Variants in PLSCR2 observed in about 807,000 individuals in gnomAD.
PLSCR2 encodes phospholipid scramblase 2, also known as PL scramblase 2.
PLSCR2 carries 18 observed loss-of-function variants against 25.3 expected under a neutral mutation model. The ratio of observed to expected loss-of-function variants is 0.71; its 90% CI spans 0.49 to 1.06. PLSCR2 has a LOEUF of 1.06. Ranked by LOEUF, PLSCR2 falls within the 50% of genes least tolerant of loss-of-function variation. PLSCR2 has a pLI of 0.00. For synonymous variants in PLSCR2, 88 were observed against 87.3 expected (o/e 1.01, Z -0.04); for missense variants, 243 against 269.5 (o/e 0.90, Z 0.69).
intron 2 of PLSCR2, among the ~76,000 whole-genome samples, chr3:146,414,073 A>T (rs1396415282): frequency 1.3e-5 from 2 of 152,232 alleles, no homozygotes; most frequent in Non-Finnish European, 2.9e-5. Context: ...AAGGCATCAC[A>T]TGGTAAGAAT....
intron 3 of PLSCR2, among the ~76,000 whole-genome samples, chr3:146,393,304 AG>A (rs1269460263): frequency 6.6e-6 from 1 of 151,614 alleles, no homozygotes; most frequent in Non-Finnish European, 1.5e-5. Context: ...CTGGGATTAC[AG>A]GCGTGAGCCA....
chr3:146,481,077 G>A (rs530750686), intron 1 of PLSCR2, among the ~76,000 whole-genome samples: 10 of 151,924 alleles, frequency 6.6e-5, no homozygotes, highest in East Asian at 1.9e-4. Context: ...TTGATGGTAC[G>A]TATCTCAAAA....
intron 2 of PLSCR2, among the ~76,000 whole-genome samples, chr3:146,403,617 T>C (rs2038554244): frequency 6.6e-6 from 1 of 152,234 alleles, no homozygotes; most frequent in Non-Finnish European, 1.5e-5. Flanking sequence ...ATTTCCACAA[T>C]TAGTTTTTAC....
chr3:146,393,377 T>TA (rs2038162478), intron 3 of PLSCR2, among the ~76,000 whole-genome samples: 1 of 152,048 alleles, frequency 6.6e-6, no homozygotes. Context: ...AACCTCTAAT[T>TA]GAGTGTTGTT....
At chr3:146,469,596 C>A (rs2042027475) in intron 1 of PLSCR2, 35 bp from the exon 1 acceptor site, 2 of 985,110 alleles carry the variant, frequency 2.0e-6, no homozygotes, top group African/African-American at 1.7e-5. Context: ...GTTGCACAGC[C>A]CTCCCGGAAG....
intron 2 of PLSCR2, among the ~76,000 whole-genome samples, chr3:146,404,821 A>AAGGGG (rs71158238): frequency 2.4e-5 from 3 of 124,694 alleles, no homozygotes; most frequent in Admixed American, 8.3e-5. Context: ...AAAAAAAAAA[A>AAGGGG]GGGGGGGGGT....
chr3:146,468,465 A>G (rs557748526), intron 1 of PLSCR2, among the ~76,000 whole-genome samples: 9 of 152,344 alleles, frequency 5.9e-5, no homozygotes, highest in African/African-American at 2.2e-4. Context: ...TCCAGAAATA[A>G]CAGTGAATGA....
chr3:146,402,058 T>A (rs1169886570), intron 2 of PLSCR2, among the ~76,000 whole-genome samples: 4 of 152,152 alleles, frequency 2.6e-5, no homozygotes, highest in South Asian at 4.1e-4. Flanking sequence ...TAATAATTTT[T>A]CTTCTGTTAT....
At chr3:146,394,997 T>C (rs2038225840) in intron 3 of PLSCR2, among the ~76,000 whole-genome samples, 1 of 152,230 alleles carries the variant, frequency 6.6e-6, no homozygotes, top group Non-Finnish European at 1.5e-5. Flanking sequence ...TCCACCATAA[T>C]TGTAAGTTTC....
In PLSCR2 at chr3:146,493,785, T is replaced by A. The variant is rs999038210; in HGVS notation, c.-293+2110A>T. ...TCTGTTTTTCAGTCCAAGGTGGCGT[T>A]TTTTTTTTTTTTTTTTTTTTTTGCA... On this transcript the variant is annotated intron_variant, in intron 1 of 8. Coordinates refer to the PLSCR2 transcript ENST00000336685. 1.5e-3 allele frequency among the ~76,000 whole-genome samples: 38 copies of A among 24,696 alleles called. 1 individual carries two copies. The highest frequency in any genetic ancestry group is 5.5e-3 in the African/African-American group (37 of 6,760). The allele number at this position is 24,696 out of a possible 152,430, so 16.2% of individuals were successfully genotyped here.
At chr3:146,493,209 A>G (rs1260834967) in intron 1 of PLSCR2, among the ~76,000 whole-genome samples, 2 of 152,148 alleles carry the variant, frequency 1.3e-5, no homozygotes, top group Non-Finnish European at 2.9e-5. Context: ...CTATTTCTAC[A>G]AGATATACAA....
intron 1 of PLSCR2, among the ~76,000 whole-genome samples, chr3:146,482,778 A>G (rs1352775955): frequency 1.2e-4 from 19 of 152,202 alleles, no homozygotes; most frequent in Non-Finnish European, 2.5e-4. Flanking sequence ...ATGAACACGT[A>G]TATTTATTGC....
At chr3:146,393,510 A>C (rs1384799265) in intron 3 of PLSCR2, among the ~76,000 whole-genome samples, 1 of 151,292 alleles carries the variant, frequency 6.6e-6, no homozygotes, top group Non-Finnish European at 1.5e-5. Flanking sequence ...GTGTTGTCTA[A>C]TTGTTTGATA....
intron 2 of PLSCR2, among the ~76,000 whole-genome samples, chr3:146,420,706 T>C (rs529820656): frequency 6.2e-4 from 95 of 152,206 alleles, no homozygotes; most frequent in African/African-American, 2.2e-3. Flanking sequence ...AAATACTTTC[T>C]ATATTATAGA....
chr3:146,394,839 C>G (rs1197879284), intron 3 of PLSCR2, among the ~76,000 whole-genome samples: 2 of 152,150 alleles, frequency 1.3e-5, no homozygotes, highest in African/African-American at 4.8e-5. Flanking sequence ...GTGATTGGAT[C>G]ATGGGGGCAG....
At chr3:146,445,701 A>G (rs1186711586) in intron 6 of PLSCR2, among the ~76,000 whole-genome samples, 3 of 152,134 alleles carry the variant, frequency 2.0e-5, no homozygotes, top group Non-Finnish European at 4.4e-5. Flanking sequence ...AGGTTTGAAA[A>G]GTTCTCTGTT....
At chr3:146,485,903 A>G (rs1186254903) in intron 1 of PLSCR2, among the ~76,000 whole-genome samples, 3 of 152,052 alleles carry the variant, frequency 2.0e-5, no homozygotes, top group Non-Finnish European at 4.4e-5. Flanking sequence ...AGAAGCTCCC[A>G]TTTTTAAAAC....
intron 3 of PLSCR2, 25 bp downstream of exon 3, chr3:146,458,386 T>C: frequency 6.7e-7 from 1 of 1,485,098 alleles, no homozygotes; most frequent in South Asian, 1.3e-5. Context: ...TTTTTAGAAC[T>C]ATGAGCAATA....
intron 5 of PLSCR2, among the ~76,000 whole-genome samples, chr3:146,453,792 G>A (rs1560018052): frequency 6.6e-6 from 1 of 152,102 alleles, no homozygotes; most frequent in Non-Finnish European, 1.5e-5. Context: ...TGACTACAGA[G>A]CTCTGCTTCT....
Sources: gnomAD v4.1 joint callset for allele counts (sites outside exome capture counted in the v4.1 genomes callset) on GRCh38, gnomAD v4.1.1 for gene constraint, MANE v1.5 for transcripts, NCBI Gene and HGNC (gene_info 2026-07-23, HGNC 2026-07-21) for gene names.